Variants in ZKSCAN7 observed in about 807,000 individuals in gnomAD.
ZKSCAN7 encodes the protein zinc finger with KRAB and SCAN domains 7, also known as zinc finger protein with KRAB and SCAN domains 7.
A neutral mutation model predicts 65.3 loss-of-function variants in ZKSCAN7; 38 were observed. The observed-to-expected ratio is 0.58, with a 90% CI of 0.45 to 0.76. ZKSCAN7 has a LOEUF of 0.76. ZKSCAN7 is among the 30% of genes least tolerant of loss of function. The pLI is 0.00. For missense variants in ZKSCAN7, 815 were observed against 913.3 expected (o/e 0.89, Z 1.39); for synonymous variants, 321 against 321.0 (o/e 1.00, Z 0.00).
Position 44,568,344 on chromosome 3 carries a change from C to T in ZKSCAN7, c.722C>T (p.Thr241Ile). The T allele has an allele frequency of 6.2e-7, 1 of 1,614,056 alleles. No individual in the cohort carries two copies. The highest frequency in any genetic ancestry group is 8.5e-7 in the Non-Finnish European group (1 of 1,179,998). The change falls in exon 5 of 6, where the codon ACT (threonine) becomes ATT (isoleucine). Residue 241 changes from threonine (T) to isoleucine (I), a missense_variant. This residue lies in a region of ZKSCAN7 where 578 missense variants were observed against 629.5 expected (regional missense o/e 0.92). Transcript: ENST00000426540. Reference sequence around the variant, plus strand: ...TATGAGGACCTATCTGTAGACTACACTCAGAAGAAATGGAAAAGTCTCACA... The same window carrying T: ...TATGAGGACCTATCTGTAGACTACATTCAGAAGAAATGGAAAAGTCTCACA... ...VAYEDLSVDY[T>I]QKKWKSLTLS... is the part of the protein sequence containing the mutation.
At chr3:44,562,698 G>C (rs1009330306) in intron 2 of ZKSCAN7, among the ~76,000 whole-genome samples, 1 of 152,174 alleles carries the variant, frequency 6.6e-6, no homozygotes, top group Admixed American at 6.5e-5. Flanking sequence ...TCTTCTGCTA[G>C]AGGGCTGGGC....
In ZKSCAN7 at chr3:44,570,228, A is replaced by T; in HGVS notation, c.1118A>T (p.His373Leu). Reference sequence around the variant, plus strand: ...CCTCTGTCTTCCAGTCCTGTTGAACATGAAGGAGTTTTAAAGGGACAGAAA... The same window carrying T: ...CCTCTGTCTTCCAGTCCTGTTGAACTTGAAGGAGTTTTAAAGGGACAGAAA... ...HPPLSSSPVE[H>L]EGVLKGQKSY... The change falls in exon 6 of 6, where the codon CAT (histidine) becomes CTT (leucine). Residue 373 changes from histidine (H) to leucine (L), a missense_variant. Coordinates refer to ENST00000426540, the MANE Select transcript of ZKSCAN7 (RefSeq NM_001288590.2). 1.2e-6 allele frequency: 2 copies of T among 1,614,274 alleles called. No individual in the cohort carries two copies. Among genetic ancestry groups the T allele is most frequent in the Non-Finnish European group, 1.7e-6 (2 of 1,180,048 alleles).
In ZKSCAN7 at chr3:44,578,630, A is replaced by G. The variant is rs144508208; in HGVS notation, c.812-4342A>G. Reference sequence around the variant, plus strand: ...CAGGTACTGGCGCCGCAGGGCCTCAACATCCGAGTTGACGCTGCTGATCTG... The same window carrying G: ...CAGGTACTGGCGCCGCAGGGCCTCAGCATCCGAGTTGACGCTGCTGATCTG... On this transcript the variant is annotated intron_variant, in intron 5 of 5. Coordinates refer to the ZKSCAN7 transcript ENST00000341840. 5.7e-3 allele frequency among the ~76,000 whole-genome samples: 874 copies of G among 152,194 alleles called. 4 individuals carry two copies. Among genetic ancestry groups the G allele is most frequent in the Middle Eastern group, 0.017 (5 of 294 alleles).
rs1196817102 is a variant in ZKSCAN7 at position 44,571,221 on chromosome 3, C to T, written c.2111C>T (p.Ser704Leu). The stretch of plus-strand genomic sequence containing the variant: ...TGTGGGAAAGCTTTTAGTGACAGCT[C>T]ACAGCTTATTGTACACCAGAGAGTC... ...NDCGKAFSDSSQLIVHQRVHT... is the reference protein window; with the variant it reads ...NDCGKAFSDSLQLIVHQRVHT... Residue 704 changes from serine to leucine, a missense_variant, in exon 6 of 6, where the codon TCA (serine) becomes TTA (leucine). Coordinates refer to ENST00000426540, the MANE Select transcript of ZKSCAN7 (RefSeq NM_001288590.2). 2 of 1,613,956 alleles carry T rather than the reference C, an allele frequency of 1.2e-6. No individual in the cohort carries two copies. Among genetic ancestry groups the T allele is most frequent in the South Asian group, 2.2e-5 (2 of 91,070 alleles).
intron 2 of ZKSCAN7, among the ~76,000 whole-genome samples, chr3:44,562,177 C>G (rs1054933702): frequency 4.9e-4 from 74 of 152,370 alleles, no homozygotes; most frequent in African/African-American, 1.8e-3. Flanking sequence ...GCCTTCTGCA[C>G]ACCTGCAGGC....
chr3:44,573,356 T>C (rs1699859641), downstream of ZKSCAN7, among the ~76,000 whole-genome samples: 1 of 152,202 alleles, frequency 6.6e-6, no homozygotes, highest in Non-Finnish European at 1.5e-5. Context: ...GCGAGTTATA[T>C]AATCTGGAGG....
Position 44,556,993 on chromosome 3 carries a change from C to T in ZKSCAN7, c.-55C>T. ...CAGTTCCTGAGACCTGAACTATTGA[C>T]CATCATTTTAATCGGACCAACTGCA... On this transcript the variant is annotated 5_prime_UTR_variant, in exon 2 of 6. Transcript: ENST00000426540. The T allele has an allele frequency of 6.2e-7, 1 of 1,609,182 alleles. No individual in the cohort carries two copies. The highest frequency in any genetic ancestry group is 8.5e-7 in the Non-Finnish European group (1 of 1,177,514).
At chr3:44,577,535 A>G (rs1169006020) in intron 5 of ZKSCAN7, among the ~76,000 whole-genome samples, 1 of 152,096 alleles carries the variant, frequency 6.6e-6, no homozygotes, top group East Asian at 1.9e-4. Context: ...TGGGGATTCC[A>G]TCTATCTTGA....
intron 2 of ZKSCAN7, among the ~76,000 whole-genome samples, chr3:44,564,708 G>A (rs1699581525): frequency 6.6e-6 from 1 of 152,194 alleles, no homozygotes; most frequent in Non-Finnish European, 1.5e-5. Context: ...GTTAGTGTCA[G>A]TAGCATTATT....
At chr3:44,574,506 G>A (rs563140112), downstream of ZKSCAN7, among the ~76,000 whole-genome samples, 14 of 152,314 alleles carry the variant, frequency 9.2e-5, no homozygotes, top group African/African-American at 3.4e-4. Context: ...TAAAATCTCA[G>A]GAGGGATGTT....
chr3:44,565,426 T>A, intron 2 of ZKSCAN7, 61 bp from the exon 3 acceptor site: 1 of 1,478,248 alleles, frequency 6.8e-7, no homozygotes, highest in Non-Finnish European at 9.0e-7. Flanking sequence ...TGCTTAGAGG[T>A]TTTGGGTTCA....
intron 4 of ZKSCAN7, 96 bp from the exon 5 acceptor site, chr3:44,568,211 C>G (rs1699689234): frequency 1.9e-6 from 3 of 1,555,232 alleles, no homozygotes; most frequent in East Asian, 2.2e-5. Context: ...CATACTTTTG[C>G]CCATGAAGAG....
rs1197343810 is a variant in ZKSCAN7, at chr3:44,571,436, A to G, written c.*61A>G. 9 of 1,604,346 alleles carry G rather than the reference A, an allele frequency of 5.6e-6. No individual in the cohort carries two copies. The highest frequency in any genetic ancestry group is 7.6e-6 in the Non-Finnish European group (9 of 1,179,922). ...GAGTTAAGCTGTCTTTATAAGCAGG[A>G]TGCTCATAGTGGTTTCCCGGAGCCA... On this transcript the variant is annotated 3_prime_UTR_variant, in exon 6 of 6. Transcript: ENST00000426540.
chr3:44,570,663 C>G lies in ZKSCAN7; in HGVS notation c.1553C>G (p.Thr518Ser), dbSNP rs375353894. The change falls in exon 6 of 6, where the codon ACT (threonine) becomes AGT (serine). Residue 518 changes from threonine to serine, a missense_variant. This residue lies in a region of ZKSCAN7 where 578 missense variants were observed against 629.5 expected (regional missense o/e 0.92). Transcript: ENST00000426540. ...KSLARHQVLHTGKKPYKCNEC... is the reference protein window; with the variant it reads ...KSLARHQVLHSGKKPYKCNEC... ...CTTGCTCGACATCAGGTCCTGCACACTGGTAAGAAACCTTACAAATGCAAT... is the reference window on the plus strand; with the variant it reads ...CTTGCTCGACATCAGGTCCTGCACAGTGGTAAGAAACCTTACAAATGCAAT... 5 of 1,614,084 alleles carry G rather than the reference C, an allele frequency of 3.1e-6. No homozygotes were observed. Among genetic ancestry groups the G allele is most frequent in the Non-Finnish European group, 4.2e-6 (5 of 1,180,014 alleles).
At position 44,571,225 on chromosome 3, in the gene ZKSCAN7, G is replaced by A. The variant is rs1699800720; in HGVS notation, c.2115G>A (p.Gln705=). The A allele has an allele frequency of 6.2e-7, 1 of 1,613,904 alleles. No individual in the cohort carries two copies. Among genetic ancestry groups the A allele is most frequent in the Non-Finnish European group, 8.5e-7 (1 of 1,180,026 alleles). ...GGAAAGCTTTTAGTGACAGCTCACA[G>A]CTTATTGTACACCAGAGAGTCCACA... is the stretch of plus-strand genomic sequence containing the variant. The part of the protein sequence containing the change: ...DCGKAFSDSS[Q]LIVHQRVHTG... The change falls in exon 6 of 6, where the codon CAG becomes CAA. Residue 705 remains glutamine (Q), a synonymous_variant. Coordinates refer to ENST00000426540, the MANE Select transcript of ZKSCAN7 (RefSeq NM_001288590.2).
rs1279438563 is a variant in ZKSCAN7, at chr3:44,570,590, C to T, written c.1480C>T (p.Pro494Ser). 1.2e-6 allele frequency: 2 copies of T among 1,614,160 alleles called. No individual in the cohort carries two copies. Among genetic ancestry groups the T allele is most frequent in the Non-Finnish European group, 1.7e-6 (2 of 1,180,012 alleles). ...DHQRTHTGEK[P>S]YECNECGEAF... The stretch of plus-strand genomic sequence containing the variant: ...CCAGAGAACCCATACTGGGGAGAAA[C>T]CTTATGAATGCAATGAGTGTGGAGA... Residue 494 changes from proline (P) to serine (S), a missense_variant, in exon 6 of 6, where the codon CCT (proline) becomes TCT (serine). This residue lies in a region of ZKSCAN7 where 578 missense variants were observed against 629.5 expected (regional missense o/e 0.92). Coordinates refer to ENST00000426540, the MANE Select transcript of ZKSCAN7 (RefSeq NM_001288590.2).
At chr3:44,580,351 G>A (rs901444683) in intron 5 of ZKSCAN7, 1 of 1,610,506 alleles carries the variant, frequency 6.2e-7, no homozygotes. Context: ...GCAGGAGGCT[G>A]GCTCTGGCTG....
intron 5 of ZKSCAN7, chr3:44,580,277 G>A (rs1455954919): frequency 3.7e-6 from 6 of 1,613,862 alleles, no homozygotes; most frequent in Non-Finnish European, 5.1e-6. Context: ...AGTCCATGCG[G>A]TCGCTACTCA....
chr3:44,582,131 T>C (rs1700099566), intron 5 of ZKSCAN7, among the ~76,000 whole-genome samples: 1 of 152,214 alleles, frequency 6.6e-6, no homozygotes, highest in East Asian at 1.9e-4. Context: ...TGTTAACGAT[T>C]ACAGCTGGCT....
Sources: allele counts gnomAD v4.1 joint callset (sites outside exome capture counted in the v4.1 genomes callset), GRCh38; gene constraint gnomAD v4.1.1; regional missense constraint gnomAD v4.1.1; transcripts MANE v1.5; gene names NCBI Gene and HGNC (gene_info 2026-07-23, HGNC 2026-07-21).